The following ZNF462 variants were observed in gnomAD, a reference collection of about 807,000 sequenced individuals.
ZNF462 encodes zinc finger PBX1-interacting protein.
Under a neutral mutation model 201.9 loss-of-function variants are expected in ZNF462, and 10 were observed. The ratio of observed to expected loss-of-function variants is 0.05; its 90% confidence interval spans 0.03 to 0.08. ZNF462 has a LOEUF of 0.08. ZNF462 is among the 10% of genes least tolerant of loss of function. The pLI, the probability that ZNF462 is intolerant of heterozygous loss-of-function variation, is 1.00. For synonymous variants in ZNF462, 1,227 were observed against 1,193.3 expected (o/e 1.03, Z -0.58); for missense variants, 2,523 against 3,168.3 (o/e 0.80, Z 4.89).
Position 106,929,845 on chromosome 9 carries a change from C to A in ZNF462, c.5847+86C>A. ...CACTTCTTCGTTGCCAGCCAAACTGCTGCAGGCTTCCTAGTGACTTAGCTT... is the reference window on the plus strand; with the variant it reads ...CACTTCTTCGTTGCCAGCCAAACTGATGCAGGCTTCCTAGTGACTTAGCTT... On this transcript the variant is annotated intron_variant, in intron 3 of 12. Coordinates refer to ENST00000277225, the MANE Select transcript of ZNF462 (RefSeq NM_021224.6). The surrounding 1 kb of genome is among the most constrained non-coding windows in gnomAD (Gnocchi z 8.7). The A allele has an allele frequency of 1.6e-6, 2 of 1,248,496 alleles. No homozygotes were observed. The highest frequency in any genetic ancestry group is 2.2e-6 in the Non-Finnish European group (2 of 894,102). 77.3% of individuals were successfully genotyped at this position (1,248,496 alleles called of 1,614,324 possible). A position where few individuals can be genotyped will look rare whatever the true frequency, so the allele number is the denominator to read the frequency against.
chr9:106,941,698 G>C (rs144232059), intron 7 of ZNF462, among the ~76,000 whole-genome samples: 4 of 152,212 alleles, frequency 2.6e-5, no homozygotes, highest in East Asian at 3.8e-4. Flanking sequence ...TAAACAAAAA[G>C]AAGGCTATTC....
At chr9:106,898,441 G>C (rs1426089745) in intron 1 of ZNF462, among the ~76,000 whole-genome samples, 1 of 152,112 alleles carries the variant, frequency 6.6e-6, no homozygotes, top group Admixed American at 6.6e-5. Flanking sequence ...GGGTCATTTG[G>C]TAGTGTCTCC....
rs1830339967 is a variant in ZNF462, at chr9:106,929,516, C to T, written c.5604C>T (p.Asp1868=). The change falls in exon 3 of 13, where the codon GAC becomes GAT. Residue 1868 remains aspartate (D), a synonymous_variant. Transcript: ENST00000277225. The surrounding 1 kb of genome is among the most constrained non-coding windows in gnomAD (Gnocchi z 8.7). ...AGCTGCTGTGCATGCATTACACTGA[C>T]CACCACAGTCGGGACCTAAAGAGGG... ...TAELLCMHYT[D]HHSRDLKRDF... 1 of 1,614,070 alleles carries T rather than the reference C, an allele frequency of 6.2e-7. No individual in the cohort carries two copies. Among genetic ancestry groups the T allele is most frequent in the African/African-American group, 1.3e-5 (1 of 74,932 alleles).
At chr9:106,908,942 T>TATATATATATATATATA (rs71384993) in intron 1 of ZNF462, among the ~76,000 whole-genome samples, 3 of 16,686 alleles carry the variant, frequency 1.8e-4, no homozygotes, top group African/African-American at 2.1e-4. Flanking sequence ...TATATATATA[T>TATATATATATATATATA]TTTTTTTTTT....
rs1832205005 is a variant in ZNF462, at chr9:106,968,980, C to T, written c.6428-3025C>T. Among the ~76,000 whole-genome samples the T allele has an allele frequency of 6.6e-6, 1 of 152,112 alleles. No individual in the cohort carries two copies. The highest frequency in any genetic ancestry group is 2.4e-5 in the African/African-American group (1 of 41,412). On this transcript the variant is annotated intron_variant, in intron 7 of 12. Transcript: ENST00000277225. This position sits in a 1 kb window ranked among gnomAD's most constrained non-coding sequence, Gnocchi z 4.0. The stretch of plus-strand genomic sequence containing the variant: ...AATTTTATGTAGCTTAGCAAGTGGG[C>T]TTTTTAAAGATCGGTGGAATGATAC...
rs139282405 is a variant in ZNF462 at position 106,993,770 on chromosome 9, G to A, written c.7056+9361G>A. Among the ~76,000 whole-genome samples, 733 of 151,794 alleles carry A rather than the reference G, an allele frequency of 4.8e-3. 5 individuals are homozygous for A. The highest frequency in any genetic ancestry group is 7.5e-3 in the Admixed American group (115 of 15,244). ...CAACATTTTTTCTTTTTTGAGTCAG[G>A]GTCTTGCTCTGTTGCCCAGGCTGAG... On this transcript the variant is annotated intron_variant, in intron 10 of 12. Transcript: ENST00000277225. This position sits in a 1 kb window ranked among gnomAD's most constrained non-coding sequence, Gnocchi z 4.0.
At chr9:106,896,540 G>T (rs959274346) in intron 1 of ZNF462, among the ~76,000 whole-genome samples, 1 of 152,100 alleles carries the variant, frequency 6.6e-6, no homozygotes, top group Admixed American at 6.6e-5. Flanking sequence ...AAGGTAATGG[G>T]TTATATTGCT....
rs769845303 is a variant in ZNF462, at chr9:106,923,418, G to C, written c.35G>C (p.Arg12Pro). ...CTTCAGTGTGATGGCTGTGATTTCC[G>C]AGCCCCGTCTTATGAAGATCTCAAG... Reference protein sequence around the residue: ...EVLQCDGCDFRAPSYEDLKAH... With the variant: ...EVLQCDGCDFPAPSYEDLKAH... Residue 12 changes from arginine (R) to proline (P), a missense_variant, in exon 2 of 13, where the codon CGA (arginine) becomes CCA (proline). Around this residue, in one of 15 missense-constraint regions of ZNF462, gnomAD observed 480 missense variants for 544.4 expected, o/e 0.88. Transcript: ENST00000277225. This position sits in a 1 kb window ranked among gnomAD's most constrained non-coding sequence, Gnocchi z 5.6. 6.2e-7 allele frequency: 1 copy of C among 1,614,130 alleles called. No homozygotes were observed. Among genetic ancestry groups the C allele is most frequent in the South Asian group, 1.1e-5 (1 of 91,072 alleles).
chr9:106,875,114 C>G (rs1827770817), intron 1 of ZNF462, among the ~76,000 whole-genome samples: 1 of 152,150 alleles, frequency 6.6e-6, no homozygotes, highest in Non-Finnish European at 1.5e-5. Context: ...GAAGCAGCTT[C>G]TCAACGGTAA....
rs979558968 is a variant in ZNF462 at position 106,876,721 on chromosome 9, A to G, written c.-31+13366A>G. Among the ~76,000 whole-genome samples the G allele has an allele frequency of 1.2e-4, 18 of 152,228 alleles. No homozygotes were observed. Among genetic ancestry groups the G allele is most frequent in the Non-Finnish European group, 2.2e-4 (15 of 68,046 alleles). ...GTGTTGTAGGGGAACAATTTTTAAT[A>G]AACATGAAGTTTTCTGAGCTTTTCA... On this transcript the variant is annotated intron_variant, in intron 1 of 12. Transcript: ENST00000277225. The surrounding 1 kb of genome is among the most constrained non-coding windows in gnomAD (Gnocchi z 4.9).
intron 10 of ZNF462, among the ~76,000 whole-genome samples, chr9:106,988,359 T>C (rs553135842): frequency 2.0e-5 from 3 of 152,238 alleles, no homozygotes; most frequent in African/African-American, 4.8e-5. Flanking sequence ...TGGGGGAAAC[T>C]GCCCACGTGA....
intron 1 of ZNF462, among the ~76,000 whole-genome samples, chr9:106,875,960 A>G (rs1827814188): frequency 6.6e-6 from 1 of 151,516 alleles, no homozygotes. Context: ...ATAGAGAAAG[A>G]TAGATAGATA....
intron 1 of ZNF462, among the ~76,000 whole-genome samples, chr9:106,892,282 C>A (rs1266137806): frequency 6.6e-6 from 1 of 152,166 alleles, no homozygotes; most frequent in Non-Finnish European, 1.5e-5. Flanking sequence ...ATCCTGGCAT[C>A]CATTTAACGA....
chr9:106,967,061 T>C (rs776342790), intron 7 of ZNF462, among the ~76,000 whole-genome samples: 25 of 152,126 alleles, frequency 1.6e-4, no homozygotes, highest in Non-Finnish European at 3.5e-4. Context: ...TTGACTCTTA[T>C]TCTTCCTTGT....
rs749611709 is a variant in ZNF462 at position 106,895,933 on chromosome 9, T to C, written c.-30-27421T>C. 9.2e-5 allele frequency among the ~76,000 whole-genome samples: 14 copies of C among 152,198 alleles called. No individual in the cohort carries two copies. The highest frequency in any genetic ancestry group is 1.9e-4 in the East Asian group (1 of 5,198). On this transcript the variant is annotated intron_variant, in intron 1 of 12. Coordinates refer to ENST00000277225, the MANE Select transcript of ZNF462 (RefSeq NM_021224.6). This position sits in a 1 kb window ranked among gnomAD's most constrained non-coding sequence, Gnocchi z 4.4. The stretch of plus-strand genomic sequence containing the variant: ...TCTACATCCTGGTTTTATTTACTTA[T>C]GAGAAGAAATGCAATGCAAAAAAAA...
intron 10 of ZNF462, among the ~76,000 whole-genome samples, chr9:106,995,215 G>A (rs1482272895): frequency 2.6e-5 from 4 of 152,012 alleles, no homozygotes; most frequent in Admixed American, 1.3e-4. Context: ...ATTTTGTCTG[G>A]ACTTTTGCTA....
intron 11 of ZNF462, among the ~76,000 whole-genome samples, chr9:107,007,824 G>C (rs566301514): frequency 2.0e-5 from 3 of 152,288 alleles, no homozygotes; most frequent in Admixed American, 2.0e-4. Context: ...CTCCTCCTTT[G>C]AGGATGGAAC....
rs139342215 is a variant in ZNF462 at position 106,913,772 on chromosome 9, G to A, written c.-30-9582G>A. On this transcript the variant is annotated intron_variant, in intron 1 of 12. Coordinates refer to ENST00000277225, the MANE Select transcript of ZNF462 (RefSeq NM_021224.6). The surrounding 1 kb of genome is among the most constrained non-coding windows in gnomAD (Gnocchi z 4.1). The stretch of plus-strand genomic sequence containing the variant: ...GCCACCAAGCCCGGCTAATTTTTGT[G>A]TGTGTTTTTAATAGAGAAGAGGTTT... Among the ~76,000 whole-genome samples the A allele has an allele frequency of 6.7e-5, 10 of 150,248 alleles. No homozygotes were observed. In the East Asian group the frequency reaches 1.7e-3, roughly 26 times the overall value.
chr9:106,991,839 TACACACACACACACACACACAC>T (rs200978759), intron 10 of ZNF462, among the ~76,000 whole-genome samples: 1 of 136,350 alleles, frequency 7.3e-6, no homozygotes, highest in Non-Finnish European at 1.6e-5. Context: ...CAGCACTCTC[TACACACACACACACACACACAC>T]ACACACACAC....
Sources: gnomAD v4.1 joint callset for allele counts (sites outside exome capture counted in the v4.1 genomes callset) on GRCh38, gnomAD v4.1.1 for gene constraint, gnomAD v4.1.1 regional missense constraint, Gnocchi (gnomAD v3.1) non-coding constraint, MANE v1.5 for transcripts, NCBI Gene and HGNC (gene_info 2026-07-23, HGNC 2026-07-21) for gene names.